The following CNTN4 variants were observed in gnomAD, a reference collection of about 807,000 sequenced individuals.
CNTN4 encodes contactin-4.
Under a neutral mutation model 122.5 loss-of-function variants are expected in CNTN4, and 77 were observed. The ratio of observed to expected loss-of-function variants is 0.63; its 90% CI spans 0.52 to 0.76. The LOEUF is 0.76. Ranked by LOEUF, CNTN4 falls within the 30% of genes least tolerant of loss-of-function variation. CNTN4 has a pLI of 0.00. For synonymous variants in CNTN4, 512 were observed against 447.0 expected (o/e 1.15, Z -1.83); for missense variants, 1,256 against 1,259.1 (o/e 1.00, Z 0.04).
chr3:2,194,997 G>A (rs1305551657), intron 2 of CNTN4, among the ~76,000 whole-genome samples: 1 of 152,100 alleles, frequency 6.6e-6, no homozygotes, highest in Non-Finnish European at 1.5e-5. Flanking sequence ...ACCTTGCTGT[G>A]CGGTAGATCT....
chr3:2,300,055 G>T (rs2042448982), intron 2 of CNTN4, among the ~76,000 whole-genome samples: 1 of 152,134 alleles, frequency 6.6e-6, no homozygotes, highest in Admixed American at 6.5e-5. Flanking sequence ...CTCTTCAGAT[G>T]AAGATAATGA....
At chr3:2,124,288 C>T (rs991202206) in intron 2 of CNTN4, among the ~76,000 whole-genome samples, 4 of 152,094 alleles carry the variant, frequency 2.6e-5, no homozygotes, top group Admixed American at 6.6e-5. Context: ...GTTTTCTCAA[C>T]GGTTAGCCAT....
chr3:2,224,477 C>T (rs2039188976), intron 2 of CNTN4, among the ~76,000 whole-genome samples: 1 of 152,172 alleles, frequency 6.6e-6, no homozygotes, highest in Non-Finnish European at 1.5e-5. Context: ...ACATGAGTTC[C>T]TCCAAATTCT....
chr3:2,250,898 T>C (rs2040351331), intron 2 of CNTN4, among the ~76,000 whole-genome samples: 1 of 151,830 alleles, frequency 6.6e-6, no homozygotes, highest in African/African-American at 2.4e-5. Flanking sequence ...TAGTTCTAGT[T>C]AATGAAGAAA....
rs1197218872 is a variant in CNTN4, at chr3:2,855,071, C to T, written c.455-11681C>T. 8.5e-5 allele frequency among the ~76,000 whole-genome samples: 13 copies of T among 152,298 alleles called. No individual in the cohort carries two copies. The East Asian group carries it at 1.9e-3, about 23-fold the overall frequency. ...ACTGATATTTCAGGATTTAACTGGT[C>T]ACCTAGTTCCCTGAAATTCTCAGTA... is the stretch of plus-strand genomic sequence containing the variant. On this transcript the variant is annotated intron_variant, in intron 7 of 24. Transcript: ENST00000418658.
chr3:2,677,170 T>G (rs928509845), intron 4 of CNTN4, among the ~76,000 whole-genome samples: 1 of 150,740 alleles, frequency 6.6e-6, no homozygotes, highest in Non-Finnish European at 1.5e-5. Flanking sequence ...GATAGATAGA[T>G]AGATGTGTAT....
intron 2 of CNTN4, among the ~76,000 whole-genome samples, chr3:2,198,423 T>C (rs1170708980): frequency 6.6e-6 from 1 of 152,196 alleles, no homozygotes; most frequent in African/African-American, 2.4e-5. Flanking sequence ...TGAAAGTATT[T>C]GTATCATGAT....
chr3:2,943,507 C>T (rs2151522840), intron 13 of CNTN4, among the ~76,000 whole-genome samples: 1 of 150,980 alleles, frequency 6.6e-6, no homozygotes, highest in East Asian at 1.9e-4. Context: ...TAACATCCAG[C>T]GTTTCATGTT....
At chr3:2,338,015 C>G (rs975326690) in intron 2 of CNTN4, among the ~76,000 whole-genome samples, 6 of 151,934 alleles carry the variant, frequency 3.9e-5, no homozygotes, top group Non-Finnish European at 7.4e-5. Context: ...CATATTAAAA[C>G]CAAACAGATG....
chr3:2,160,364 G>T (rs371885817), intron 2 of CNTN4, among the ~76,000 whole-genome samples: 1 of 152,002 alleles, frequency 6.6e-6, no homozygotes, highest in Non-Finnish European at 1.5e-5. Flanking sequence ...TTGTATCCTG[G>T]TTAAGAGGTA....
At chr3:2,341,878 G>A (rs2044225078) in intron 3 of CNTN4, among the ~76,000 whole-genome samples, 1 of 152,108 alleles carries the variant, frequency 6.6e-6, no homozygotes, top group Admixed American at 6.6e-5. Flanking sequence ...GACAAAGAGG[G>A]CTTAGCTGAA....
chr3:2,593,654 A>G lies in CNTN4; in HGVS notation c.55+22096A>G, dbSNP rs562860164. Among the ~76,000 whole-genome samples the G allele has an allele frequency of 7.2e-5, 11 of 152,320 alleles. No individual in the cohort carries two copies. The South Asian group carries it at 1.9e-3, about 26-fold the overall frequency. On this transcript the variant is annotated intron_variant, in intron 4 of 24. Transcript: ENST00000418658. ...GATCTTATAAGAATGTTACTGCCAC[A>G]GCTTATACCTAAACATGTTGAAAAT...
At chr3:2,459,589 A>G (rs2049127534) in intron 3 of CNTN4, among the ~76,000 whole-genome samples, 1 of 152,132 alleles carries the variant, frequency 6.6e-6, no homozygotes, top group Non-Finnish European at 1.5e-5. Flanking sequence ...TAGACTTTTC[A>G]TCTTGGTCTT....
chr3:2,306,001 A>G (rs147329650), intron 2 of CNTN4, among the ~76,000 whole-genome samples: 1 of 152,300 alleles, frequency 6.6e-6, no homozygotes, highest in East Asian at 1.9e-4. Flanking sequence ...ATTTGATTCT[A>G]TGGATATACA....
chr3:2,106,252 C>G (rs1358241039), intron 2 of CNTN4, among the ~76,000 whole-genome samples: 3 of 152,228 alleles, frequency 2.0e-5, no homozygotes, highest in Admixed American at 6.5e-5. Flanking sequence ...GACCATAGCC[C>G]TCTTCTCACA....
intron 12 of CNTN4, among the ~76,000 whole-genome samples, chr3:2,905,867 G>C (rs947853952): frequency 6.6e-6 from 1 of 152,144 alleles, no homozygotes; most frequent in Non-Finnish European, 1.5e-5. Context: ...TGGAACAAAG[G>C]CTCAAAATTA....
intron 3 of CNTN4, among the ~76,000 whole-genome samples, chr3:2,541,886 A>T (rs1370161755): frequency 1.3e-5 from 2 of 152,006 alleles, no homozygotes; most frequent in African/African-American, 2.4e-5. Flanking sequence ...AGGGCCACTG[A>T]CCTTGGCAAC....
intron 12 of CNTN4, among the ~76,000 whole-genome samples, chr3:2,915,468 C>A (rs769137091): frequency 4.6e-5 from 7 of 152,198 alleles, no homozygotes; most frequent in Non-Finnish European, 1.0e-4. Context: ...TCTTTCCTTT[C>A]CAATTTGGAT....
chr3:2,229,541 A>AGG (rs1215247391), intron 2 of CNTN4, among the ~76,000 whole-genome samples: 1 of 152,220 alleles, frequency 6.6e-6, no homozygotes, highest in Non-Finnish European at 1.5e-5. Context: ...TAGTTACGTA[A>AGG]GTATTTGAAA....
Sources: allele counts gnomAD v4.1 joint callset (sites outside exome capture counted in the v4.1 genomes callset), GRCh38; gene constraint gnomAD v4.1.1; transcripts MANE v1.5; gene names NCBI Gene and HGNC (gene_info 2026-07-23, HGNC 2026-07-21).